HTT: variants seen among roughly 807,000 people sequenced by gnomAD.
The protein encoded by HTT is huntington disease protein.
Under a neutral mutation model 362.3 loss-of-function variants are expected in HTT, and 104 were observed. The observed-to-expected ratio is 0.29, with a 90% CI of 0.24 to 0.34. The LOEUF (loss-of-function observed/expected upper bound fraction) is 0.34. Among genes scored for constraint, HTT ranks in the 10% least tolerant of loss-of-function variants. The probability of loss-of-function intolerance (pLI) is 1.00; values close to 1 mark genes in which losing one functional copy is unlikely to be tolerated. For missense variants in HTT, 3,301 were observed against 3,928.6 expected, an observed-to-expected ratio of 0.84 and a Z score of 4.27; for synonymous variants, 1,577 against 1,548.7, an observed-to-expected ratio of 1.02 and a Z score of -0.43.
chr4:3,213,960 C>T lies in HTT; in HGVS notation c.6777C>T (p.Ala2259=), dbSNP rs868288551. 2.6e-6 allele frequency: 4 copies of T among 1,552,170 alleles called. 1 individual carries two copies. In the Middle Eastern group the frequency reaches 6.8e-4, roughly 266 times the overall value. Residue 2259 remains alanine (A), a splice_region_variant and synonymous_variant, in exon 50 of 67, where the codon GCC becomes GCT. Transcript: ENST00000355072. ...IVKFVVATLE[A]LSWHLIHEQI... ...TGTGACTCGGTACTTCCCTTTAGGC[C>T]CTGTCCTGGCATTTGATCCATGAGC...
chr4:3,115,400 A>G lies in HTT; in HGVS notation c.844A>G (p.Arg282Gly), dbSNP rs981727502. 1.9e-6 allele frequency: 3 copies of G among 1,613,890 alleles called. No homozygotes were observed. Among genetic ancestry groups the G allele is most frequent in the African/African-American group, 1.3e-5 (1 of 74,924 alleles). The part of the protein sequence containing the change: ...GSAVSICQHS[R>G]RTQYFYSWLL... ...AGCAGTGAGCATCTGCCAGCACTCA[A>G]GAAGGACACAATATTTCTATAGTTG... Residue 282 changes from arginine to glycine, a missense_variant, in exon 7 of 67, where the codon AGA (arginine) becomes GGA (glycine). By Grantham distance (125) the Arg-to-Gly change is moderately radical. Around this residue, in one of 4 missense-constraint regions of HTT, gnomAD observed 2,316 missense variants for 2,658.5 expected, o/e 0.87. Coordinates refer to ENST00000355072, the MANE Select transcript of HTT (RefSeq NM_001388492.1).
In HTT at chr4:3,204,153, GT is replaced by G. The variant is rs780185839; in HGVS notation, c.5718+8del. On this transcript the variant is annotated splice_donor_region_variant and intron_variant, in intron 42 of 66. Coordinates refer to ENST00000355072, the MANE Select transcript of HTT (RefSeq NM_001388492.1). ...ATTCTCTTCTGTGATTATGTCGTAAGTTTGAAATGCCTGTAAACGGGGTTGA... is the reference window on the plus strand; with the variant it reads ...ATTCTCTTCTGTGATTATGTCGTAAGTTGAAATGCCTGTAAACGGGGTTGA... 12 of 1,614,050 alleles carry G rather than the reference GT, an allele frequency of 7.4e-6. No individual in the cohort carries two copies. The highest frequency in any genetic ancestry group is 1.7e-5 in the Admixed American group (1 of 60,012).
In HTT at chr4:3,074,938, A is replaced by AGCAGCAGCAGCAGCCGCCGCC; in HGVS notation, c.115_116insAGCAGCAGCAGCCGCCGCCGC (p.Gln38_Pro39insGlnGlnGlnGlnProProPro). 2.4e-6 allele frequency: 3 copies of AGCAGCAGCAGCAGCCGCCGCC among 1,266,788 alleles called. No individual in the cohort carries two copies. The highest frequency in any genetic ancestry group is 2.1e-6 in the Non-Finnish European group (2 of 957,294). 78.5% of individuals were successfully genotyped at this position (1,266,788 alleles called of 1,614,324 possible). ...CAGCAGCAGCAGCAGCAGCAGCAAC[A>AGCAGCAGCAGCAGCCGCCGCC]GCCGCCACCGCCGCCGCCGCCGCCG... On this transcript the variant is annotated inframe_insertion, in exon 1 of 67. Coordinates refer to ENST00000355072, the MANE Select transcript of HTT (RefSeq NM_001388492.1).
Position 3,131,336 on chromosome 4 carries a change from A to G in HTT, c.2037A>G (p.Ala679=). Residue 679 remains alanine, a synonymous_variant, in exon 15 of 67, where the codon GCA becomes GCG. Transcript: ENST00000355072. ...DIGQSTDDDS[A]PLVHCVRLLS... is the part of the protein sequence containing the mutation. The stretch of plus-strand genomic sequence containing the variant: ...GACAGTCCACTGATGATGACTCTGC[A>G]CCTCTTGTCCATTGTGTCCGCCTTT... 3.7e-6 allele frequency: 6 copies of G among 1,613,868 alleles called. No homozygotes were observed. Among genetic ancestry groups the G allele is most frequent in the Non-Finnish European group, 5.1e-6 (6 of 1,179,962 alleles).
intron 22 of HTT, among the ~76,000 whole-genome samples, chr4:3,142,058 G>T (rs1026762761): frequency 4.6e-5 from 7 of 152,168 alleles, no homozygotes; most frequent in African/African-American, 1.4e-4. Context: ...CTACTACTTG[G>T]AAAAGTCTCC....
chr4:3,224,238 A>G, intron 56 of HTT, 107 bp downstream of exon 56: 1 of 1,191,514 alleles, frequency 8.4e-7, no homozygotes, highest in Non-Finnish European at 1.2e-6. Flanking sequence ...GTGTGGTCTG[A>G]GTTGGAGGCT....
chr4:3,229,753 GCA>G lies in HTT; in HGVS notation c.8110-129_8110-128del, dbSNP rs571644227. On this transcript the variant is annotated intron_variant, in intron 59 of 66. Transcript: ENST00000355072. ...GCACACGCATACACCACACACACACGCACACATGCGTCCCGCACAGTAATGTC... is the reference window on the plus strand; with the variant it reads ...GCACACGCATACACCACACACACACGCACATGCGTCCCGCACAGTAATGTC... The G allele has an allele frequency of 9.5e-3, 8,940 of 944,960 alleles. 52 individuals are homozygous for G. Among genetic ancestry groups the G allele is most frequent in the Non-Finnish European group, 0.012 (7,336 of 604,030 alleles). The allele number at this position is 944,960 out of a possible 1,614,324, so 58.5% of individuals were successfully genotyped here. A position where few individuals can be genotyped will look rare whatever the true frequency, so the allele number is the denominator to read the frequency against.
At chr4:3,085,717 A>AT (rs1415340936) in intron 1 of HTT, among the ~76,000 whole-genome samples, 1 of 152,156 alleles carries the variant, frequency 6.6e-6, no homozygotes, top group Non-Finnish European at 1.5e-5. Flanking sequence ...TTTAAGTTAG[A>AT]TTTTTTATTT....
intron 6 of HTT, among the ~76,000 whole-genome samples, chr4:3,108,910 T>A (rs999844486): frequency 6.6e-6 from 1 of 151,916 alleles, no homozygotes; most frequent in Non-Finnish European, 1.5e-5. Flanking sequence ...TAGCTGGACA[T>A]GATGGCATGT....
At chr4:3,080,627 T>A (rs1368447533) in intron 1 of HTT, among the ~76,000 whole-genome samples, 4 of 152,264 alleles carry the variant, frequency 2.6e-5, no homozygotes. Flanking sequence ...TTATCTATTT[T>A]GTCTTTGGTT....
chr4:3,147,624 A>G (rs1424770415), intron 25 of HTT, among the ~76,000 whole-genome samples: 1 of 152,222 alleles, frequency 6.6e-6, no homozygotes, highest in Non-Finnish European at 1.5e-5. Context: ...AGGAGAAGGT[A>G]GGGAGACTCA....
intron 51 of HTT, among the ~76,000 whole-genome samples, chr4:3,217,004 G>C (rs866756415): frequency 6.7e-6 from 1 of 149,818 alleles, no homozygotes; most frequent in Non-Finnish European, 1.5e-5. Flanking sequence ...CAGCCTGGGC[G>C]ACAGAGCAAG....
chr4:3,229,952 A>G lies in HTT; in HGVS notation c.8175A>G (p.Thr2725=). Residue 2725 remains threonine (T), a synonymous_variant, in exon 60 of 67, where the codon ACA becomes ACG. Coordinates refer to ENST00000355072, the MANE Select transcript of HTT (RefSeq NM_001388492.1). ...TTGAGCTGATGTATGTGACGCTGAC[A>G]GAACTGCGAAGGGTGCACCCTTCAG... The part of the protein sequence containing the change: ...NQFELMYVTL[T]ELRRVHPSED... 6.2e-7 allele frequency: 1 copy of G among 1,614,142 alleles called. No homozygotes were observed. Among genetic ancestry groups the G allele is most frequent in the Non-Finnish European group, 8.5e-7 (1 of 1,179,938 alleles).
chr4:3,082,787 C>T (rs759357562), intron 1 of HTT, among the ~76,000 whole-genome samples: 4 of 152,024 alleles, frequency 2.6e-5, no homozygotes, highest in Non-Finnish European at 5.9e-5. Context: ...GCTGTAGGGC[C>T]GTTGAGCATT....
At chr4:3,115,231 T>C in intron 6 of HTT, 73 bp from the exon 7 acceptor site, 1 of 1,425,558 alleles carries the variant, frequency 7.0e-7, no homozygotes, top group Non-Finnish European at 9.7e-7. Flanking sequence ...TAATTCACGT[T>C]AAGTTTTATG....
chr4:3,092,059 T>C (rs1225673109), intron 2 of HTT, among the ~76,000 whole-genome samples: 1 of 152,178 alleles, frequency 6.6e-6, no homozygotes, highest in Non-Finnish European at 1.5e-5. Flanking sequence ...TCTTGCACTG[T>C]CCGCCTGGGC....
rs184355714 is a variant in HTT, at chr4:3,144,843, G to T, written c.3067-309G>T. Among the ~76,000 whole-genome samples, 13 of 152,308 alleles carry T rather than the reference G, an allele frequency of 8.5e-5. No individual in the cohort carries two copies. The East Asian group carries it at 2.3e-3, about 27-fold the overall frequency. ...TGCAGGCTGGTCAGGGAGACGATGT[G>T]GTAAGCTGGAGCTCAGCTCCTAAGG... On this transcript the variant is annotated intron_variant, in intron 23 of 66. Coordinates refer to ENST00000355072, the MANE Select transcript of HTT (RefSeq NM_001388492.1).
In HTT at chr4:3,229,972, C is replaced by T; in HGVS notation, c.8195C>T (p.Pro2732Leu). ...VTLTELRRVH[P>L]SEDEILAQYL... The stretch of plus-strand genomic sequence containing the variant: ...CTGACAGAACTGCGAAGGGTGCACC[C>T]TTCAGAAGACGAGATCCTCGCTCAG... Residue 2732 changes from proline (P) to leucine (L), a missense_variant, in exon 60 of 67, where the codon CCT becomes CTT. Physicochemically the swap from Pro to Leu is moderately conservative, Grantham distance 98. Coordinates refer to ENST00000355072, the MANE Select transcript of HTT (RefSeq NM_001388492.1). 1.2e-6 allele frequency: 2 copies of T among 1,614,114 alleles called. No individual in the cohort carries two copies. The highest frequency in any genetic ancestry group is 8.5e-7 in the Non-Finnish European group (1 of 1,179,944).
intron 1 of HTT, among the ~76,000 whole-genome samples, chr4:3,075,654 G>C (rs1221150953): frequency 2.1e-5 from 3 of 141,718 alleles, no homozygotes; most frequent in Non-Finnish European, 4.6e-5. Flanking sequence ...GGGCAGGGGG[G>C]GGGCGGGGAG....
Sources: gnomAD v4.1 joint callset for allele counts (sites outside exome capture counted in the v4.1 genomes callset) on GRCh38, gnomAD v4.1.1 for gene constraint, gnomAD v4.1.1 regional missense constraint, MANE v1.5 for transcripts, NCBI Gene and HGNC (gene_info 2026-07-23, HGNC 2026-07-21) for gene names.